The following TPTE variants were observed in gnomAD, a reference collection of about 807,000 sequenced individuals.
TPTE encodes the protein putative tyrosine-protein phosphatase TPTE.
In TPTE, 59 loss-of-function variants were observed where a neutral mutation model predicts 84.1. That is an observed-to-expected ratio of 0.70 (90% CI 0.57 to 0.87). The LOEUF (loss-of-function observed/expected upper bound fraction) is 0.87, where lower values mean the gene tolerates loss of function less well. TPTE is among the 40% of genes least tolerant of loss of function. TPTE has a pLI of 0.00. For missense variants in TPTE, 382 were observed against 659.6 expected, an observed-to-expected ratio of 0.58 and a Z score of 4.61; for synonymous variants, 130 against 223.5, an observed-to-expected ratio of 0.58 and a Z score of 3.73.
intron 23 of TPTE, 109 bp from the exon 24 acceptor site, chr21:10,605,308 T>A: frequency 7.0e-7 from 1 of 1,419,690 alleles, no homozygotes; most frequent in Non-Finnish European, 9.4e-7. Context: ...GAGGTTCTAT[T>A]CATGGTGAGG....
chr21:10,531,819 A>G (rs2074183496), intron 3 of TPTE, among the ~76,000 whole-genome samples: 1 of 152,312 alleles, frequency 6.6e-6, no homozygotes, highest in African/African-American at 2.4e-5. Context: ...TAATGCTTTA[A>G]TCTACTTAGA....
chr21:10,564,832 G>A (rs984923732), intron 10 of TPTE, among the ~76,000 whole-genome samples: 1 of 152,302 alleles, frequency 6.6e-6, no homozygotes, highest in South Asian at 2.1e-4. Flanking sequence ...AAAAAACTGG[G>A]TATAGAAGTA....
intron 8 of TPTE, among the ~76,000 whole-genome samples, chr21:10,554,855 T>C (rs888071821): frequency 1.3e-5 from 2 of 152,308 alleles, no homozygotes; most frequent in Non-Finnish European, 2.9e-5. Context: ...AAGTGACTCA[T>C]AGTTTTTTCA....
chr21:10,543,452 T>A, intron 7 of TPTE, 70 bp downstream of exon 7: 1 of 1,609,534 alleles, frequency 6.2e-7, no homozygotes, highest in East Asian at 2.2e-5. Context: ...ACCAAGCACA[T>A]ACACAAATAT....
intron 3 of TPTE, among the ~76,000 whole-genome samples, chr21:10,538,284 A>C (rs2074304027): frequency 1.3e-5 from 2 of 152,310 alleles, no homozygotes; most frequent in Non-Finnish European, 2.9e-5. Flanking sequence ...ACTTTACCGT[A>C]CTTGTGGACC....
Position 10,590,545 on chromosome 21 carries a change from C to T in TPTE, c.1089+22C>T. 3 of 1,613,786 alleles carry T rather than the reference C, an allele frequency of 1.9e-6. No homozygotes were observed. In the South Asian group the frequency reaches 3.3e-5, roughly 18 times the overall value. On this transcript the variant is annotated intron_variant, in intron 18 of 23. Coordinates refer to ENST00000618007, the MANE Select transcript of TPTE (RefSeq NM_199261.4). ...AAAGGTATGAAAGATGTTCTACAAA[C>T]TTTGTCTTAGGATGATTGAGTTTGC...
chr21:10,594,726 C>G (rs1432423627), intron 19 of TPTE, among the ~76,000 whole-genome samples: 2 of 152,304 alleles, frequency 1.3e-5, no homozygotes, highest in African/African-American at 4.8e-5. Context: ...AACTAGCACA[C>G]CAAAGGCTGC....
At position 10,605,476 on chromosome 21, in the gene TPTE, A is replaced by G. The variant is rs764772581; in HGVS notation, c.1580A>G (p.Tyr527Cys). ...NLHKQKARRI[Y>C]PSDFAVEILF... The stretch of plus-strand genomic sequence containing the variant: ...CATAAACAAAAAGCACGGAGAATTT[A>G]TCCATCAGATTTTGCCGTGGAGATA... The change falls in exon 24 of 24, where the codon TAT becomes TGT. Residue 527 changes from tyrosine to cysteine, a missense_variant. Transcript: ENST00000618007. 7.4e-6 allele frequency: 12 copies of G among 1,614,178 alleles called. No individual in the cohort carries two copies. Among genetic ancestry groups the G allele is most frequent in the East Asian group, 2.2e-5 (1 of 44,882 alleles).
chr21:10,541,438 A>C (rs1373990779), intron 5 of TPTE, among the ~76,000 whole-genome samples: 1 of 152,292 alleles, frequency 6.6e-6, no homozygotes, highest in Non-Finnish European at 1.5e-5. Flanking sequence ...ATGCCGCTGC[A>C]TTCCACCCTG....
chr21:10,563,671 CTAAA>C (rs1280790423), intron 10 of TPTE, among the ~76,000 whole-genome samples: 3 of 152,294 alleles, frequency 2.0e-5, no homozygotes, highest in Non-Finnish European at 2.9e-5. Context: ...AAACAAGAAA[CTAAA>C]TCATATCACC....
At chr21:10,553,993 C>A (rs1202033241) in intron 8 of TPTE, among the ~76,000 whole-genome samples, 2 of 152,312 alleles carry the variant, frequency 1.3e-5, no homozygotes, top group African/African-American at 4.8e-5. Flanking sequence ...TCTGAAAATA[C>A]AATCAACAAA....
intron 5 of TPTE, among the ~76,000 whole-genome samples, chr21:10,542,049 G>A (rs569844155): frequency 6.6e-6 from 1 of 152,428 alleles, no homozygotes; most frequent in African/African-American, 2.4e-5. Context: ...GGCCTTTTAA[G>A]CAGGACATTG....
At chr21:10,532,319 T>A (rs1467027242) in intron 3 of TPTE, among the ~76,000 whole-genome samples, 3 of 152,312 alleles carry the variant, frequency 2.0e-5, no homozygotes, top group Admixed American at 6.5e-5. Context: ...TTGAATAATC[T>A]TATTTTAAAA....
chr21:10,576,023 C>G (rs887238894), intron 14 of TPTE, among the ~76,000 whole-genome samples: 2 of 152,428 alleles, frequency 1.3e-5, no homozygotes, highest in East Asian at 3.9e-4. Flanking sequence ...GTGGCAATTC[C>G]TCAAAGACCT....
chr21:10,560,600 C>T (rs565692396), intron 9 of TPTE, among the ~76,000 whole-genome samples: 210 of 152,292 alleles, frequency 1.4e-3, no homozygotes, highest in African/African-American at 4.8e-3. Context: ...TTATGTTACT[C>T]ATGCTTTCAT....
chr21:10,589,226 G>A (rs1326199656), intron 17 of TPTE, among the ~76,000 whole-genome samples: 1 of 152,278 alleles, frequency 6.6e-6, no homozygotes. Flanking sequence ...CCTAGAGGGT[G>A]TGACTGTAGA....
At chr21:10,585,522 A>G (rs1458306497) in intron 17 of TPTE, among the ~76,000 whole-genome samples, 4 of 152,298 alleles carry the variant, frequency 2.6e-5, no homozygotes, top group Non-Finnish European at 5.9e-5. Flanking sequence ...GTCCGTTAAT[A>G]TTTTGTTTAG....
chr21:10,539,651 A>G (rs1455754285), intron 4 of TPTE, among the ~76,000 whole-genome samples: 3 of 152,304 alleles, frequency 2.0e-5, no homozygotes, highest in Non-Finnish European at 2.9e-5. Flanking sequence ...GGTAAATGGC[A>G]TGGCAGATTC....
intron 6 of TPTE, 82 bp downstream of exon 6, chr21:10,542,530 C>CCAT (rs1555887036): frequency 2.3e-6 from 3 of 1,308,082 alleles, no homozygotes; most frequent in Non-Finnish European, 3.2e-6. Flanking sequence ...GCAAGTATAC[C>CCAT]CCATCCATCC....
Sources: allele counts gnomAD v4.1 joint callset (sites outside exome capture counted in the v4.1 genomes callset), GRCh38; gene constraint gnomAD v4.1.1; transcripts MANE v1.5; gene names NCBI Gene and HGNC (gene_info 2026-07-23, HGNC 2026-07-21).